Variants in PCDHA6 observed in about 807,000 individuals in gnomAD.
The protein encoded by PCDHA6 is protocadherin alpha 6, also known as protocadherin alpha-6.
Under a neutral mutation model 60.3 loss-of-function variants are expected in PCDHA6, and 55 were observed. That is an observed-to-expected ratio of 0.91 (90% CI 0.73 to 1.14). PCDHA6 has a LOEUF of 1.14. Among genes scored for constraint, PCDHA6 ranks in the 50% most tolerant of loss-of-function variants. The probability of loss-of-function intolerance (pLI) is 0.00; values close to 1 mark genes in which losing one functional copy is unlikely to be tolerated. For synonymous variants in PCDHA6, 652 were observed against 557.9 expected (o/e 1.17, Z -2.38); for missense variants, 1,327 against 1,256.5 (o/e 1.06, Z -0.85).
intron 1 of PCDHA6, chr5:140,863,089 A>C: frequency 3.5e-6 from 2 of 575,052 alleles, no homozygotes; most frequent in Non-Finnish European, 6.9e-6. Context: ...CGAGATCAGC[A>C]CGACGAGTAC....
Position 140,881,600 on chromosome 5 carries a change from A to G in PCDHA6, c.2394+51115A>G, listed in dbSNP as rs193128939. On this transcript the variant is annotated intron_variant, in intron 1 of 3. Coordinates refer to ENST00000529310, the MANE Select transcript of PCDHA6 (RefSeq NM_018909.4). ...GTCACATTGAGGGAAATTTATTAAT[A>G]TGATGTGCTTATTCAAAATCTGATA... 3.1e-3 allele frequency among the ~76,000 whole-genome samples: 469 copies of G among 152,338 alleles called. 3 individuals are homozygous for G. Among genetic ancestry groups the G allele is most frequent in the Middle Eastern group, 0.014 (4 of 294 alleles).
At position 140,876,152 on chromosome 5, in the gene PCDHA6, A is replaced by G; in HGVS notation, c.2394+45667A>G. ...AAACCAGAACTAACAGGGTCTGTCC[A>G]GATTCAAATAACCGTCCTGGATGTG... is the stretch of plus-strand genomic sequence containing the variant. On this transcript the variant is annotated intron_variant, in intron 1 of 3. Transcript: ENST00000529310. 1 of 1,613,982 alleles carries G rather than the reference A, an allele frequency of 6.2e-7. No individual in the cohort carries two copies. The highest frequency in any genetic ancestry group is 1.3e-5 in the African/African-American group (1 of 75,068).
chr5:140,834,589 A>G (rs2150222134), intron 1 of PCDHA6: 2 of 1,614,090 alleles, frequency 1.2e-6, no homozygotes, highest in South Asian at 1.1e-5. Flanking sequence ...GCGGTGTGCA[A>G]ATTCCGTGGG....
intron 1 of PCDHA6, chr5:140,836,474 C>T (rs1774508920): frequency 6.2e-7 from 1 of 1,613,830 alleles, no homozygotes; most frequent in Admixed American, 1.7e-5. Flanking sequence ...TGGATGTCAA[C>T]GTGTACCTGA....
intron 1 of PCDHA6, chr5:140,843,096 C>A (rs2150352451): frequency 1.9e-6 from 3 of 1,595,484 alleles, no homozygotes; most frequent in Non-Finnish European, 2.6e-6. Context: ...CACGTGGTAG[C>A]GAAGGTGCGC....
chr5:140,998,107 A>G (rs138517610), intron 3 of PCDHA6, among the ~76,000 whole-genome samples: 1 of 152,328 alleles, frequency 6.6e-6, no homozygotes, highest in Non-Finnish European at 1.5e-5. Flanking sequence ...AACAGAGGAG[A>G]AAATTTACTT....
chr5:140,875,386 C>G, intron 1 of PCDHA6: 1 of 1,465,972 alleles, frequency 6.8e-7, no homozygotes, highest in Non-Finnish European at 9.0e-7. Flanking sequence ...TATGTACTTA[C>G]AGAAAAGGGT....
At chr5:140,993,345 C>T (rs557836440) in intron 3 of PCDHA6, among the ~76,000 whole-genome samples, 25 of 152,064 alleles carry the variant, frequency 1.6e-4, no homozygotes, top group African/African-American at 4.3e-4. Context: ...AAGGGCACTA[C>T]GAAGATCCTC....
rs200919454 is a variant in PCDHA6 at position 140,828,210 on chromosome 5, A to C, written c.119A>C (p.Lys40Thr). The C allele has an allele frequency of 4.6e-5, 74 of 1,613,938 alleles. No individual in the cohort carries two copies. The highest frequency in any genetic ancestry group is 5.9e-5 in the Non-Finnish European group (70 of 1,180,054). ...CACTACTCCGTACCCGAGGAGGCCA[A>C]ACACGGCACCTTCGTGGGCCGGATC... ...QLHYSVPEEA[K>T]HGTFVGRIAQ... Residue 40 changes from lysine to threonine, a missense_variant, in exon 1 of 4, where the codon AAA becomes ACA. Coordinates refer to ENST00000529310, the MANE Select transcript of PCDHA6 (RefSeq NM_018909.4).
intron 1 of PCDHA6, among the ~76,000 whole-genome samples, chr5:140,960,014 A>G (rs1380089859): frequency 6.6e-6 from 1 of 152,222 alleles, no homozygotes; most frequent in Non-Finnish European, 1.5e-5. Flanking sequence ...ATTTTGCATC[A>G]TGATTTTGTT....
At chr5:140,928,466 T>C in intron 1 of PCDHA6, 13 of 1,614,140 alleles carry the variant, frequency 8.1e-6, no homozygotes, top group Non-Finnish European at 1.1e-5. Context: ...CATTTCCAAG[T>C]AGAAGGCCGG....
intron 1 of PCDHA6, chr5:140,862,219 T>C: frequency 4.8e-6 from 1 of 206,310 alleles, no homozygotes; most frequent in Non-Finnish European, 9.9e-6. Flanking sequence ...ACAGACTTGA[T>C]AGAAGTCTTG....
intron 3 of PCDHA6, among the ~76,000 whole-genome samples, chr5:141,002,021 C>A (rs1177146388): frequency 2.6e-5 from 4 of 152,184 alleles, no homozygotes; most frequent in Admixed American, 6.5e-5. Flanking sequence ...GCACAGCCTT[C>A]GGTGCCCTGA....
At chr5:140,847,610 C>T (rs1047587407) in intron 1 of PCDHA6, 3 of 149,370 alleles carry the variant, frequency 2.0e-5, no homozygotes, top group African/African-American at 7.4e-5. Context: ...ATTGTAATAA[C>T]ATTACACAAA....
intron 1 of PCDHA6, among the ~76,000 whole-genome samples, chr5:140,895,223 G>A (rs782692616): frequency 4.0e-4 from 61 of 152,232 alleles, no homozygotes; most frequent in Admixed American, 2.6e-4. Flanking sequence ...ATATTTTACT[G>A]AGTTTTCTCA....
intron 3 of PCDHA6, among the ~76,000 whole-genome samples, chr5:140,999,721 G>T (rs2097872214): frequency 6.6e-6 from 1 of 152,150 alleles, no homozygotes; most frequent in South Asian, 2.1e-4. Flanking sequence ...ACGGAGACCA[G>T]CCATTCCAAT....
intron 1 of PCDHA6, chr5:140,851,981 G>A: frequency 1.0e-6 from 1 of 976,468 alleles, no homozygotes; most frequent in Non-Finnish European, 1.2e-6. Flanking sequence ...TACCTTTAGT[G>A]CAAGCTATTT....
chr5:140,933,441 C>T (rs1197059199), intron 1 of PCDHA6, among the ~76,000 whole-genome samples: 1 of 151,990 alleles, frequency 6.6e-6, no homozygotes, highest in African/African-American at 2.4e-5. Flanking sequence ...ACTCTAATGA[C>T]ATACCTTCAA....
chr5:141,005,255 CACTGGTGATACATTGGTGAAT>C (rs1319250318), intron 3 of PCDHA6, among the ~76,000 whole-genome samples: 1 of 152,182 alleles, frequency 6.6e-6, no homozygotes, highest in African/African-American at 2.4e-5. Context: ...TTGTGCTAGG[CACTGGTGATACATTGGTGAAT>C]AAACAGATAC....
Sources: allele counts gnomAD v4.1 joint callset (sites outside exome capture counted in the v4.1 genomes callset), GRCh38; gene constraint gnomAD v4.1.1; transcripts MANE v1.5; gene names NCBI Gene and HGNC (gene_info 2026-07-23, HGNC 2026-07-21).